The following MRPS9 variants were observed in gnomAD, a reference collection of about 807,000 sequenced individuals.
MRPS9 encodes small ribosomal subunit protein uS9m.
MRPS9 carries 45 observed loss-of-function variants against 59.9 expected under a neutral mutation model. The ratio of observed to expected loss-of-function variants is 0.75; its 90% CI spans 0.59 to 0.96. MRPS9 has a LOEUF of 0.96. Ranked by LOEUF, MRPS9 falls within the 40% of genes least tolerant of loss-of-function variation. MRPS9 has a pLI of 0.00. For synonymous variants in MRPS9, 171 were observed against 166.8 expected (o/e 1.03, Z -0.19); for missense variants, 473 against 481.1 (o/e 0.98, Z 0.16).
intron 9 of MRPS9, 159 bp from the exon 10 acceptor site, chr2:105,096,996 T>C (rs993856555): frequency 6.3e-6 from 4 of 631,792 alleles, no homozygotes; most frequent in Admixed American, 8.5e-5. Context: ...GAAATGTTAG[T>C]GTTTCTATAT....
At chr2:105,045,161 C>G (rs1181988160) in intron 1 of MRPS9, among the ~76,000 whole-genome samples, 2 of 152,014 alleles carry the variant, frequency 1.3e-5, no homozygotes, top group African/African-American at 4.8e-5. Context: ...CAGATAATTG[C>G]TGTGGCTGAA....
chr2:105,092,240 T>A (rs1680572989), intron 7 of MRPS9, 161 bp from the exon 8 acceptor site: 1 of 503,758 alleles, frequency 2.0e-6, no homozygotes, highest in Non-Finnish European at 3.4e-6. Context: ...AAGTGATGCA[T>A]CTGCATGCTG....
intron 2 of MRPS9, among the ~76,000 whole-genome samples, chr2:105,051,131 A>G (rs1170869336): frequency 6.6e-6 from 1 of 152,208 alleles, no homozygotes; most frequent in Non-Finnish European, 1.5e-5. Flanking sequence ...ATCCAAGGTC[A>G]TGAAAATTCA....
At chr2:105,038,294 C>A in intron 1 of MRPS9, 67 bp downstream of exon 1, 2 of 1,559,162 alleles carry the variant, frequency 1.3e-6, no homozygotes, top group South Asian at 2.4e-5. Flanking sequence ...AGCGCGGACA[C>A]CTTCCCCCAG....
intron 4 of MRPS9, among the ~76,000 whole-genome samples, chr2:105,076,250 G>A (rs1042724359): frequency 2.0e-5 from 3 of 152,200 alleles, no homozygotes; most frequent in Non-Finnish European, 4.4e-5. Context: ...GTTACTGGGC[G>A]AAATGCTGAT....
At chr2:105,096,996 T>A in intron 9 of MRPS9, 159 bp from the exon 10 acceptor site, 6 of 631,910 alleles carry the variant, frequency 9.5e-6, no homozygotes, top group Non-Finnish European at 1.2e-5. Context: ...GAAATGTTAG[T>A]GTTTCTATAT....
Position 105,052,904 on chromosome 2 carries a change from C to A in MRPS9, c.315+3554C>A, listed in dbSNP as rs1254680855. On this transcript the variant is annotated intron_variant, in intron 2 of 10. Transcript: ENST00000258455. Reference sequence around the variant, plus strand: ...ACTACTAAGATGTTTTTGAGCAACTCTTAACTACCTTTTTGGTTTGTCTGT... The same window carrying A: ...ACTACTAAGATGTTTTTGAGCAACTATTAACTACCTTTTTGGTTTGTCTGT... Among the ~76,000 whole-genome samples the A allele has an allele frequency of 3.3e-5, 5 of 152,274 alleles. No individual in the cohort carries two copies. In the East Asian group the frequency reaches 9.6e-4, roughly 29 times the overall value.
chr2:105,094,432 A>G (rs549663158), intron 9 of MRPS9, among the ~76,000 whole-genome samples: 61 of 152,298 alleles, frequency 4.0e-4, no homozygotes, highest in South Asian at 8.3e-4. Context: ...ATCCACGAGT[A>G]ACAGAAGTTT....
At chr2:105,073,925 A>T (rs1013318900) in intron 4 of MRPS9, among the ~76,000 whole-genome samples, 3 of 152,342 alleles carry the variant, frequency 2.0e-5, no homozygotes, top group African/African-American at 7.2e-5. Flanking sequence ...ATAGTTACAG[A>T]TACAAAGAAT....
intron 2 of MRPS9, among the ~76,000 whole-genome samples, chr2:105,068,688 G>A (rs2104452896): frequency 6.6e-6 from 1 of 152,240 alleles, no homozygotes; most frequent in Admixed American, 6.5e-5. Flanking sequence ...AAGCTTATGT[G>A]TATTTTCCCC....
intron 5 of MRPS9, among the ~76,000 whole-genome samples, chr2:105,085,378 A>G (rs1277575509): frequency 1.3e-5 from 2 of 152,176 alleles, no homozygotes; most frequent in East Asian, 1.9e-4. Context: ...TTACTTTACT[A>G]TTACCATACT....
intron 2 of MRPS9, among the ~76,000 whole-genome samples, chr2:105,057,371 TG>T (rs1679812853): frequency 6.6e-6 from 1 of 152,202 alleles, no homozygotes; most frequent in Admixed American, 6.5e-5. Flanking sequence ...TGCCAAATGT[TG>T]ATCAGTGTGT....
chr2:105,072,095 C>CG (rs1680125914), intron 4 of MRPS9, among the ~76,000 whole-genome samples: 1 of 152,094 alleles, frequency 6.6e-6, no homozygotes. Context: ...AACCTCTTAT[C>CG]CAGTGAGGAC....
At chr2:105,044,766 ATGT>A (rs1341114180) in intron 1 of MRPS9, among the ~76,000 whole-genome samples, 1 of 152,230 alleles carries the variant, frequency 6.6e-6, no homozygotes, top group Non-Finnish European at 1.5e-5. Context: ...AGATGCTAAA[ATGT>A]TGTAGGAGCA....
intron 5 of MRPS9, among the ~76,000 whole-genome samples, chr2:105,082,730 C>T (rs776865315): frequency 6.6e-5 from 10 of 152,090 alleles, no homozygotes; most frequent in Non-Finnish European, 1.0e-4. Context: ...TTTGCTGATC[C>T]GTGATGTTCT....
chr2:105,042,671 C>G (rs956465043), intron 1 of MRPS9, among the ~76,000 whole-genome samples: 5 of 152,212 alleles, frequency 3.3e-5, no homozygotes, highest in African/African-American at 1.2e-4. Flanking sequence ...TTAGCTTAAA[C>G]AAAACTGCAT....
Position 105,097,224 on chromosome 2 carries a change from A to C in MRPS9, c.999A>C (p.Ser333=). Residue 333 remains serine (S), a synonymous_variant, in exon 10 of 11, where the codon TCA becomes TCC. Transcript: ENST00000258455. ...LGKHDVTCTV[S]GGGRSAQAGA... ...AGCACGACGTGACCTGCACAGTCTC[A>C]GGGGGCGGGAGGTCAGCGCAGGCTG... 6.2e-7 allele frequency: 1 copy of C among 1,612,498 alleles called. No individual in the cohort carries two copies.
At chr2:105,074,115 A>G (rs960618769) in intron 4 of MRPS9, among the ~76,000 whole-genome samples, 6 of 152,218 alleles carry the variant, frequency 3.9e-5, no homozygotes, top group African/African-American at 1.4e-4. Context: ...TACAGACATG[A>G]CAATGACAAC....
intron 9 of MRPS9, among the ~76,000 whole-genome samples, chr2:105,094,077 T>C (rs2104470262): frequency 6.6e-6 from 1 of 152,320 alleles, no homozygotes; most frequent in Admixed American, 6.5e-5. Context: ...AGTAATTTCT[T>C]GTGGCTTGTG....
Sources: allele counts gnomAD v4.1 joint callset (sites outside exome capture counted in the v4.1 genomes callset), GRCh38; gene constraint gnomAD v4.1.1; transcripts MANE v1.5; gene names NCBI Gene and HGNC (gene_info 2026-07-23, HGNC 2026-07-21).